WWOX: variants seen among roughly 807,000 people sequenced by gnomAD.
WWOX encodes the protein WW domain-containing oxidoreductase.
WWOX carries 69 observed loss-of-function variants against 46.2 expected under a neutral mutation model. That is an observed-to-expected ratio of 1.49 (90% confidence interval 1.23 to 1.82). The LOEUF (loss-of-function observed/expected upper bound fraction) is 1.82. Ranked by LOEUF, WWOX falls within the 40% of genes most tolerant of loss-of-function variation. The pLI is 0.00. For missense variants in WWOX, 919 were observed against 542.6 expected, an observed-to-expected ratio of 1.69 and a Z score of -6.89; for synonymous variants, 359 against 202.6, an observed-to-expected ratio of 1.77 and a Z score of -6.56.
intron 5 of WWOX, among the ~76,000 whole-genome samples, chr16:78,346,557 T>C (rs1160101655): frequency 8.3e-6 from 1 of 120,584 alleles, no homozygotes; most frequent in East Asian, 1.9e-4. Context: ...TCCTTAATAA[T>C]ACTTGATATT....
chr16:78,967,094 C>G (rs4888892), intron 8 of WWOX, among the ~76,000 whole-genome samples: 46,381 of 151,912 alleles, frequency 0.31, 8,720 homozygotes, highest in Non-Finnish European at 0.41. Flanking sequence ...TCCCCATAGT[C>G]ATGCATCTGT....
intron 8 of WWOX, among the ~76,000 whole-genome samples, chr16:78,621,957 A>C (rs2738566): frequency 0.76 from 114,654 of 151,788 alleles, 43,436 homozygotes; most frequent in Middle Eastern, 0.82. Flanking sequence ...TTGAAATTGT[A>C]CTGGTTTTTC....
intron 6 of WWOX, among the ~76,000 whole-genome samples, chr16:78,423,731 A>C (rs2083007071): frequency 6.6e-6 from 1 of 151,800 alleles, no homozygotes; most frequent in African/African-American, 2.4e-5. Flanking sequence ...CTGTAGTCCC[A>C]GTTACTCGGG....
Position 78,668,975 on chromosome 16 carries a change from T to C in WWOX, c.1056+236223T>C, listed in dbSNP as rs532554878. 2.0e-4 allele frequency among the ~76,000 whole-genome samples: 31 copies of C among 152,276 alleles called. 1 individual carries two copies. The South Asian group carries it at 5.0e-3, about 24-fold the overall frequency. ...ATAAAGGCAATTTGGTACTTAAAAA[T>C]TGTTAGAAGAGCTAAAAGAGTAGTT... is the stretch of plus-strand genomic sequence containing the variant. On this transcript the variant is annotated intron_variant, in intron 8 of 8. Transcript: ENST00000566780.
At chr16:78,804,853 G>C (rs2293897) in intron 8 of WWOX, among the ~76,000 whole-genome samples, 17,830 of 152,234 alleles carry the variant, frequency 0.12, 1,299 homozygotes, top group Non-Finnish European at 0.16. Flanking sequence ...GTGATCCTTA[G>C]GATGTAGCCA....
At chr16:78,568,330 C>T (rs916880461) in intron 8 of WWOX, among the ~76,000 whole-genome samples, 6 of 151,840 alleles carry the variant, frequency 4.0e-5, no homozygotes, top group East Asian at 1.9e-4. Context: ...AGCCTGCATG[C>T]GGGAAGAAAA....
chr16:78,588,759 A>G lies in WWOX; in HGVS notation c.1056+156007A>G, dbSNP rs1010274307. Among the ~76,000 whole-genome samples the G allele has an allele frequency of 3.9e-5, 6 of 152,166 alleles. 1 individual carries two copies. Among genetic ancestry groups the G allele is most frequent in the South Asian group, 4.2e-4 (2 of 4,814 alleles). On this transcript the variant is annotated intron_variant, in intron 8 of 8. Transcript: ENST00000566780. ...AGCATCACTTTATTGAGCAGCTACT[A>G]TGTACCAAACACTTAGCATATGCTT...
chr16:78,770,623 A>T (rs929685459), intron 8 of WWOX, among the ~76,000 whole-genome samples: 1 of 152,168 alleles, frequency 6.6e-6, no homozygotes, highest in African/African-American at 2.4e-5. Flanking sequence ...TCTGGAAATC[A>T]GCCTGCAGGG....
In WWOX at chr16:78,370,465, TGA is replaced by T; in HGVS notation, c.517-16390_517-16389del. On this transcript the variant is annotated intron_variant, in intron 5 of 8. Coordinates refer to ENST00000566780, the MANE Select transcript of WWOX (RefSeq NM_016373.4). ...GAAAGGGAAAAAGGAGAGAAATATA[TGA>T]GAGACGTATGCTGGGGGTATCTACG... Among the ~76,000 whole-genome samples, 2 of 150,558 alleles carry T rather than the reference TGA, an allele frequency of 1.3e-5. 1 individual carries two copies. The highest frequency in any genetic ancestry group is 4.3e-4 in the South Asian group (2 of 4,690).
chr16:79,148,538 C>G (rs902623552), intron 8 of WWOX, among the ~76,000 whole-genome samples: 1 of 152,078 alleles, frequency 6.6e-6, no homozygotes, highest in African/African-American at 2.4e-5. Flanking sequence ...ATTATTTTAG[C>G]TTCCTAAGAC....
chr16:78,143,397 A>ATATT (rs1178794328), intron 4 of WWOX, among the ~76,000 whole-genome samples: 1 of 152,150 alleles, frequency 6.6e-6, no homozygotes, highest in African/African-American at 2.4e-5. Context: ...TGTTAAAAGG[A>ATATT]TATTGTCTAT....
intron 5 of WWOX, among the ~76,000 whole-genome samples, chr16:78,272,095 A>G (rs910835844): frequency 3.3e-5 from 5 of 152,148 alleles, no homozygotes; most frequent in Admixed American, 6.5e-5. Flanking sequence ...TTACCCCAAA[A>G]CTTAGAGGCT....
At chr16:78,715,033 C>T (rs1173640105) in intron 8 of WWOX, among the ~76,000 whole-genome samples, 2 of 152,112 alleles carry the variant, frequency 1.3e-5, no homozygotes, top group Non-Finnish European at 2.9e-5. Context: ...ATAATCCCAG[C>T]ACTTTGAGAG....
intron 8 of WWOX, among the ~76,000 whole-genome samples, chr16:79,197,175 C>A (rs907640582): frequency 2.0e-5 from 3 of 152,124 alleles, no homozygotes; most frequent in African/African-American, 4.8e-5. Context: ...CCTTCAGGTA[C>A]CCTAAGCTGG....
chr16:78,964,592 C>G (rs1402997811), intron 8 of WWOX, among the ~76,000 whole-genome samples: 2 of 152,180 alleles, frequency 1.3e-5, no homozygotes, highest in East Asian at 1.9e-4. Flanking sequence ...AATTTGCAGT[C>G]TGATTGTGCG....
intron 5 of WWOX, among the ~76,000 whole-genome samples, chr16:78,174,831 T>C (rs1327280289): frequency 1.3e-5 from 2 of 151,658 alleles, no homozygotes; most frequent in Non-Finnish European, 2.9e-5. Context: ...CTACTGAAAA[T>C]ACAAAAATTA....
intron 8 of WWOX, among the ~76,000 whole-genome samples, chr16:78,554,651 C>T (rs755699092): frequency 6.6e-6 from 1 of 152,104 alleles, no homozygotes; most frequent in Non-Finnish European, 1.5e-5. Context: ...ATCCCCAGGA[C>T]AGTCTCATTT....
At chr16:78,835,645 A>G (rs976422884) in intron 8 of WWOX, among the ~76,000 whole-genome samples, 7 of 152,206 alleles carry the variant, frequency 4.6e-5, no homozygotes, top group African/African-American at 1.7e-4. Context: ...GGAAACAGAG[A>G]TGCGACGTGA....
chr16:78,514,095 C>T (rs1023990923), intron 8 of WWOX, among the ~76,000 whole-genome samples: 1 of 152,138 alleles, frequency 6.6e-6, no homozygotes, highest in African/African-American at 2.4e-5. Context: ...CAGCCAACCC[C>T]ATAAATACTG....
Sources: gnomAD v4.1 joint callset for allele counts (sites outside exome capture counted in the v4.1 genomes callset) on GRCh38, gnomAD v4.1.1 for gene constraint, MANE v1.5 for transcripts, NCBI Gene and HGNC (gene_info 2026-07-23, HGNC 2026-07-21) for gene names.